PDE4D: variants seen among roughly 807,000 people sequenced by gnomAD.
PDE4D encodes 3',5'-cyclic-AMP phosphodiesterase 4D.
A neutral mutation model predicts 87.4 loss-of-function variants in PDE4D; 24 were observed. That is an observed-to-expected ratio of 0.27 (90% CI 0.20 to 0.39). PDE4D has a LOEUF of 0.39. Ranked by LOEUF, PDE4D falls within the 10% of genes least tolerant of loss-of-function variation. The pLI is 1.00. For synonymous variants in PDE4D, 384 were observed against 383.2 expected (o/e 1.00, Z -0.02); for missense variants, 714 against 1,041.0 (o/e 0.69, Z 4.32).
At chr5:59,402,340 A>G (rs565675155) in intron 1 of PDE4D, among the ~76,000 whole-genome samples, 1 of 152,196 alleles carries the variant, frequency 6.6e-6, no homozygotes, top group Non-Finnish European at 1.5e-5. Context: ...AGCTGAAGTG[A>G]GATAATTTAA....
chr5:59,712,794 A>G (rs564217670), intron 1 of PDE4D, among the ~76,000 whole-genome samples: 15 of 152,288 alleles, frequency 9.8e-5, no homozygotes, highest in Non-Finnish European at 2.2e-4. Flanking sequence ...TGTTTCAGGC[A>G]TAATAACATT....
intron 1 of PDE4D, among the ~76,000 whole-genome samples, chr5:59,531,989 C>G (rs1814316760): frequency 6.6e-6 from 1 of 152,092 alleles, no homozygotes. Context: ...TGTTATATTC[C>G]TAGCACTTAC....
At chr5:59,722,334 T>A (rs992691875) in intron 1 of PDE4D, among the ~76,000 whole-genome samples, 3 of 152,194 alleles carry the variant, frequency 2.0e-5, no homozygotes, top group Non-Finnish European at 4.4e-5. Flanking sequence ...ATTACATTCA[T>A]CCTTGGAGAT....
chr5:59,294,456 A>T (rs1768661321), intron 1 of PDE4D, among the ~76,000 whole-genome samples: 2 of 152,162 alleles, frequency 1.3e-5, no homozygotes, highest in African/African-American at 2.4e-5. Flanking sequence ...AAGTTGAAGC[A>T]CTGAGGCTGA....
intron 2 of PDE4D, among the ~76,000 whole-genome samples, chr5:60,080,962 TC>T (rs971053480): frequency 6.6e-5 from 10 of 152,214 alleles, no homozygotes; most frequent in African/African-American, 2.4e-4. Context: ...TGGTACCAGT[TC>T]CTCTTTGTAT....
At chr5:59,716,860 C>T (rs1755104824) in intron 1 of PDE4D, among the ~76,000 whole-genome samples, 2 of 152,148 alleles carry the variant, frequency 1.3e-5, no homozygotes, top group South Asian at 2.1e-4. Flanking sequence ...AGCCATGTAA[C>T]TCAAACTGTG....
chr5:60,462,669 C>A (rs183605561), intron 1 of PDE4D, among the ~76,000 whole-genome samples: 1 of 152,252 alleles, frequency 6.6e-6, no homozygotes, highest in East Asian at 1.9e-4. Flanking sequence ...CCAGGACTGT[C>A]TTGCAAACTA....
At chr5:60,439,037 C>G (rs151183185) in intron 1 of PDE4D, among the ~76,000 whole-genome samples, 1 of 152,122 alleles carries the variant, frequency 6.6e-6, no homozygotes, top group African/African-American at 2.4e-5. Flanking sequence ...CAGGAAGGAA[C>G]TGGCTATGTA....
At chr5:59,989,094 A>G (rs1762742743) in intron 2 of PDE4D, among the ~76,000 whole-genome samples, 2 of 92,432 alleles carry the variant, frequency 2.2e-5, no homozygotes, top group Admixed American at 2.3e-4. Context: ...TGTCATATAT[A>G]TATATATATA....
chr5:59,172,435 C>T (rs888563109), intron 5 of PDE4D, among the ~76,000 whole-genome samples: 4 of 144,928 alleles, frequency 2.8e-5, no homozygotes, highest in Admixed American at 1.4e-4. Context: ...TGGCTCATGC[C>T]TATAATCCCA....
At chr5:59,900,239 C>CAA (rs369200356) in intron 3 of PDE4D, among the ~76,000 whole-genome samples, 2,896 of 118,170 alleles carry the variant, frequency 0.025, 55 homozygotes, top group Middle Eastern at 0.043. Flanking sequence ...GACTCCATAT[C>CAA]AAAAAAAAAT....
At chr5:59,666,830 G>A (rs1391815182) in intron 1 of PDE4D, among the ~76,000 whole-genome samples, 1 of 152,202 alleles carries the variant, frequency 6.6e-6, no homozygotes, top group African/African-American at 2.4e-5. Flanking sequence ...ATTGTGTTAG[G>A]GGCATGACAG....
chr5:60,410,822 A>G (rs937379951), intron 1 of PDE4D, among the ~76,000 whole-genome samples: 1 of 152,196 alleles, frequency 6.6e-6, no homozygotes. Context: ...GCTCTGTGAT[A>G]ATATGATGGC....
chr5:59,152,304 T>C (rs543712333), intron 5 of PDE4D, among the ~76,000 whole-genome samples: 1 of 151,626 alleles, frequency 6.6e-6, no homozygotes, highest in African/African-American at 2.4e-5. Flanking sequence ...ATGGAGGAAG[T>C]AGGAAAGAGA....
At chr5:59,007,979 G>A (rs1003442217) in intron 6 of PDE4D, among the ~76,000 whole-genome samples, 24 of 151,924 alleles carry the variant, frequency 1.6e-4, no homozygotes, top group African/African-American at 5.8e-4. Context: ...TCTTCTACAT[G>A]GGCTAACTCT....
At chr5:59,067,549 A>G (rs1427029138) in intron 5 of PDE4D, among the ~76,000 whole-genome samples, 1 of 152,190 alleles carries the variant, frequency 6.6e-6, no homozygotes, top group African/African-American at 2.4e-5. Flanking sequence ...TTTCTGATAC[A>G]GTTTTTGGAG....
intron 1 of PDE4D, among the ~76,000 whole-genome samples, chr5:59,615,939 C>T (rs972470655): frequency 1.3e-5 from 2 of 151,496 alleles, no homozygotes; most frequent in African/African-American, 4.9e-5. Flanking sequence ...AAAAAGTAAA[C>T]GTATTTTCCA....
chr5:59,174,465 C>A (rs563871846), intron 5 of PDE4D: 2 of 152,658 alleles, frequency 1.3e-5, no homozygotes, highest in Non-Finnish European at 2.9e-5. Context: ...GTACTAGTTT[C>A]ACCGCTCCTG....
intron 1 of PDE4D, among the ~76,000 whole-genome samples, chr5:59,466,400 A>C (rs1363907867): frequency 2.0e-5 from 3 of 152,188 alleles, no homozygotes; most frequent in Non-Finnish European, 4.4e-5. Flanking sequence ...TATTTTCCAC[A>C]AGCCCAAATT....
Sources: allele counts gnomAD v4.1 joint callset (sites outside exome capture counted in the v4.1 genomes callset), GRCh38; gene constraint gnomAD v4.1.1; transcripts MANE v1.5; gene names NCBI Gene and HGNC (gene_info 2026-07-23, HGNC 2026-07-21).